ADK: variants seen among roughly 807,000 people sequenced by gnomAD.
The protein encoded by ADK is N6,N6-dimethyladenosine kinase.
ADK carries 24 observed loss-of-function variants against 44.7 expected under a neutral mutation model. That is an observed-to-expected ratio of 0.54 (90% CI 0.39 to 0.76). The LOEUF is 0.76. Ranked by LOEUF, ADK falls within the 30% of genes least tolerant of loss-of-function variation. ADK has a pLI of 0.00. For missense variants in ADK, 321 were observed against 425.1 expected (o/e 0.76, Z 2.15); for synonymous variants, 128 against 142.6 (o/e 0.90, Z 0.73).
At chr10:74,610,276 T>G (rs1852492041) in intron 9 of ADK, among the ~76,000 whole-genome samples, 1 of 152,186 alleles carries the variant, frequency 6.6e-6, no homozygotes, top group Non-Finnish European at 1.5e-5. Context: ...ACAACATGGA[T>G]GAACCTTGAA....
intron 1 of ADK, among the ~76,000 whole-genome samples, chr10:74,193,412 C>T (rs1843017511): frequency 1.3e-5 from 2 of 152,106 alleles, no homozygotes; most frequent in Non-Finnish European, 1.5e-5. Context: ...CCCGCCTCCC[C>T]CCACCCCAGT....
At chr10:74,570,001 GT>G (rs1360439243) in intron 7 of ADK, among the ~76,000 whole-genome samples, 1 of 152,098 alleles carries the variant, frequency 6.6e-6, no homozygotes, top group African/African-American at 2.4e-5. Context: ...TGGCTAGCCA[GT>G]TTTCCCAGCA....
chr10:74,406,490 T>G (rs1843929480), intron 6 of ADK, among the ~76,000 whole-genome samples: 1 of 147,458 alleles, frequency 6.8e-6, no homozygotes. Context: ...CCATCTACCT[T>G]TGGGACTCCG....
rs1225165467 is a variant in ADK at position 74,528,179 on chromosome 10, G to A, written c.726+2753G>A. 3.6e-6 allele frequency: 3 copies of A among 827,558 alleles called. No individual in the cohort carries two copies. In the East Asian group the frequency reaches 8.1e-5, roughly 22 times the overall value. The allele number at this position is 827,558 out of a possible 1,614,324, so 51.3% of individuals were successfully genotyped here. On this transcript the variant is annotated intron_variant, in intron 7 of 10. Transcript: ENST00000539909. ...AAGTTTCACTTGTTTCTCAGTTATT[G>A]AATATGTATCTTTGTGTACATATCT...
chr10:74,441,132 T>C (rs1415876686), intron 6 of ADK, among the ~76,000 whole-genome samples: 1 of 152,234 alleles, frequency 6.6e-6, no homozygotes, highest in Non-Finnish European at 1.5e-5. Context: ...ACCTCCACTT[T>C]ATGAAAACAC....
chr10:74,334,546 G>T (rs1371380974), intron 4 of ADK, among the ~76,000 whole-genome samples: 3 of 152,138 alleles, frequency 2.0e-5, no homozygotes, highest in African/African-American at 7.2e-5. Context: ...GAGGAGTCTT[G>T]TGTCTTCTGC....
intron 7 of ADK, among the ~76,000 whole-genome samples, chr10:74,544,806 G>A (rs746615481): frequency 5.3e-5 from 8 of 152,058 alleles, no homozygotes; most frequent in South Asian, 2.1e-4. Flanking sequence ...AGGTTGCGGT[G>A]AGCTGAGATG....
intron 6 of ADK, among the ~76,000 whole-genome samples, chr10:74,473,669 A>G (rs908656899): frequency 6.6e-6 from 1 of 152,220 alleles, no homozygotes. Flanking sequence ...TGCTTTCCCA[A>G]TGTATCACAT....
At chr10:74,571,598 G>C (rs985259121) in intron 7 of ADK, among the ~76,000 whole-genome samples, 3 of 152,194 alleles carry the variant, frequency 2.0e-5, no homozygotes, top group African/African-American at 7.2e-5. Context: ...AGTATTCTCT[G>C]ATGGTAGTTT....
chr10:74,507,601 A>G lies in ADK; in HGVS notation c.556-17655A>G, dbSNP rs112097758. Among the ~76,000 whole-genome samples, 15 of 152,158 alleles carry G rather than the reference A, an allele frequency of 9.9e-5. 1 individual carries two copies. Among genetic ancestry groups the G allele is most frequent in the African/African-American group, 2.9e-4 (12 of 41,526 alleles). On this transcript the variant is annotated intron_variant, in intron 6 of 10. Coordinates refer to ENST00000539909, the MANE Select transcript of ADK (RefSeq NM_006721.4). The stretch of plus-strand genomic sequence containing the variant: ...CTCCACTCCAGCCTGGTGACAGTGA[A>G]ATCCCCTCTCAAAAAAAAACAAAAA...
chr10:74,655,944 AG>A, intron 9 of ADK: 1 of 697,360 alleles, frequency 1.4e-6, no homozygotes, highest in Non-Finnish European at 2.7e-6. Flanking sequence ...CAAGTCCGAA[AG>A]GGTGCAACTC....
chr10:74,237,573 C>G (rs1400986745), intron 3 of ADK, among the ~76,000 whole-genome samples: 1 of 152,160 alleles, frequency 6.6e-6, no homozygotes, highest in African/African-American at 2.4e-5. Context: ...GAATACGTTG[C>G]AGGAGGTTTT....
intron 6 of ADK, among the ~76,000 whole-genome samples, chr10:74,492,576 G>A (rs1037344819): frequency 1.3e-5 from 2 of 152,184 alleles, no homozygotes; most frequent in African/African-American, 4.8e-5. Flanking sequence ...AGAGGACTTA[G>A]CTATTTGCAA....
chr10:74,671,727 G>A lies in ADK; in HGVS notation c.964+1458G>A, dbSNP rs924913267. Among the ~76,000 whole-genome samples, 3 of 152,222 alleles carry A rather than the reference G, an allele frequency of 2.0e-5. No homozygotes were observed. The South Asian group carries it at 6.2e-4, about 32-fold the overall frequency. On this transcript the variant is annotated intron_variant, in intron 10 of 10. Transcript: ENST00000539909. ...TGGTCAAACCAGGAATCTTAGTCTA[G>A]AAACTTTTAAACTTATACACTGTAT...
chr10:74,343,814 G>T (rs1291584243), intron 4 of ADK, among the ~76,000 whole-genome samples: 1 of 152,058 alleles, frequency 6.6e-6, no homozygotes, highest in Non-Finnish European at 1.5e-5. Flanking sequence ...TCACCATGTT[G>T]GCCAGGCTGG....
At chr10:74,285,742 A>G (rs1847139696) in intron 3 of ADK, among the ~76,000 whole-genome samples, 1 of 152,148 alleles carries the variant, frequency 6.6e-6, no homozygotes, top group Admixed American at 6.6e-5. Context: ...ATAAGAAATC[A>G]GGAGGCCTTG....
At chr10:74,233,026 AT>A (rs913777555) in intron 3 of ADK, among the ~76,000 whole-genome samples, 1 of 152,230 alleles carries the variant, frequency 6.6e-6, no homozygotes, top group Non-Finnish European at 1.5e-5. Context: ...TCCTTAAAGA[AT>A]TAATTTAAAT....
In ADK at chr10:74,398,572, A is replaced by G; in HGVS notation, c.548A>G (p.Tyr183Cys). ...TTGGTAGAAAAAGCAAGAGTTTGTT[A>G]TATAGCAGTAAGTACTTACCTAATT... ...WMLVEKARVCYIAGFFLTVSP... is the reference protein window; with the variant it reads ...WMLVEKARVCCIAGFFLTVSP... Residue 183 changes from tyrosine (Y) to cysteine (C), a missense_variant, in exon 6 of 11, where the codon TAT (tyrosine) becomes TGT (cysteine). Physicochemically the swap from Tyr to Cys is radical, Grantham distance 194 (BLOSUM62 -2). Transcript: ENST00000539909. 3.8e-6 allele frequency: 6 copies of G among 1,585,262 alleles called. No individual in the cohort carries two copies. Among genetic ancestry groups the G allele is most frequent in the Non-Finnish European group, 5.2e-6 (6 of 1,155,100 alleles).
intron 6 of ADK, among the ~76,000 whole-genome samples, chr10:74,450,898 T>C (rs1044822049): frequency 2.0e-5 from 3 of 152,076 alleles, no homozygotes; most frequent in African/African-American, 7.2e-5. Flanking sequence ...TACTTTCCTA[T>C]CTTATCTGTA....
Sources: gnomAD v4.1 joint callset for allele counts (sites outside exome capture counted in the v4.1 genomes callset) on GRCh38, gnomAD v4.1.1 for gene constraint, MANE v1.5 for transcripts, NCBI Gene and HGNC (gene_info 2026-07-23, HGNC 2026-07-21) for gene names.